Variants in XKR9 observed in about 807,000 individuals in gnomAD.
XKR9 encodes XK related 9, also known as XK-related protein 9.
A neutral mutation model predicts 32.0 loss-of-function variants in XKR9; 32 were observed. The observed-to-expected ratio is 1.00, with a 90% CI of 0.76 to 1.34. The LOEUF (loss-of-function observed/expected upper bound fraction) is 1.34. XKR9 is among the 40% of genes most tolerant of loss of function. The probability of loss-of-function intolerance (pLI) is 0.00; values close to 1 mark genes in which losing one functional copy is unlikely to be tolerated. For synonymous variants in XKR9, 168 were observed against 143.4 expected (o/e 1.17, Z -1.22); for missense variants, 546 against 429.7 (o/e 1.27, Z -2.39).
chr8:70,892,804 G>T, the XKR9 span, among the ~76,000 whole-genome samples: 464 of 152,228 alleles, frequency 3.0e-3, 3 homozygotes, highest in African/African-American at 0.011. Context: ...TGACTATAAT[G>T]TAATTCAAGG....
At chr8:71,001,136 C>G in the XKR9 span, among the ~76,000 whole-genome samples, 1 of 152,108 alleles carries the variant, frequency 6.6e-6, no homozygotes, top group African/African-American at 2.4e-5. Flanking sequence ...AAGAAGGTAA[C>G]AGTTTGTGGA....
chr8:70,709,516 C>T (rs576525739), intron 4 of XKR9, among the ~76,000 whole-genome samples: 35 of 152,296 alleles, frequency 2.3e-4, no homozygotes, highest in African/African-American at 8.2e-4. Flanking sequence ...AAAACTATCC[C>T]TGTTTGCAAA....
chr8:70,859,026 G>A, the XKR9 span, among the ~76,000 whole-genome samples: 1 of 152,036 alleles, frequency 6.6e-6, no homozygotes, highest in African/African-American at 2.4e-5. Flanking sequence ...AAGCTAAGAA[G>A]TTTCTGCACA....
In XKR9 at chr8:70,748,570, G is replaced by T. The variant is rs576678273; in HGVS notation, n.353-40769G>T. Among the ~76,000 whole-genome samples, 402 of 152,360 alleles carry T rather than the reference G, an allele frequency of 2.6e-3. 2 individuals carry two copies. The highest frequency in any genetic ancestry group is 0.014 in the South Asian group (70 of 4,834). ...GGAGGGAGGCTGGTGGGGGCTGAGG[G>T]TGGCTCTGTGCAGGTCTGCAGGTGC... is the stretch of plus-strand genomic sequence containing the variant. On this transcript the variant is annotated intron_variant and non_coding_transcript_variant, in intron 2 of 3. Coordinates refer to the XKR9 transcript ENST00000520273.
the XKR9 span, among the ~76,000 whole-genome samples, chr8:70,813,052 G>A: frequency 8.5e-5 from 13 of 152,146 alleles, no homozygotes; most frequent in South Asian, 2.7e-3. Context: ...ATACTACAAG[G>A]CTACAGTAAC....
At chr8:70,911,018 C>T in the XKR9 span, among the ~76,000 whole-genome samples, 1 of 152,206 alleles carries the variant, frequency 6.6e-6, no homozygotes, top group African/African-American at 2.4e-5. Context: ...CTGTCTGCTT[C>T]TTTTGCTTTT....
chr8:70,850,463 C>CA, the XKR9 span, among the ~76,000 whole-genome samples: 6,368 of 73,644 alleles, frequency 0.086, 558 homozygotes, highest in East Asian at 0.31. Context: ...GACTCCTTCT[C>CA]AAAAAAAAAA....
the XKR9 span, among the ~76,000 whole-genome samples, chr8:71,014,689 AT>A: frequency 3.3e-5 from 5 of 152,284 alleles, no homozygotes; most frequent in African/African-American, 1.2e-4. Context: ...AAGTGGACAT[AT>A]CTTTTTGGGG....
chr8:70,723,734 G>C (rs909115850), intron 4 of XKR9, among the ~76,000 whole-genome samples: 2 of 152,084 alleles, frequency 1.3e-5, no homozygotes, highest in Non-Finnish European at 2.9e-5. Context: ...GAGCTCTACT[G>C]TATGAGGTGT....
chr8:70,976,131 G>A, the XKR9 span, among the ~76,000 whole-genome samples: 3 of 152,164 alleles, frequency 2.0e-5, no homozygotes, highest in Non-Finnish European at 4.4e-5. Context: ...ATCAGCTTAA[G>A]GAGATTTTGG....
At chr8:70,877,856 G>A in the XKR9 span, among the ~76,000 whole-genome samples, 1 of 152,072 alleles carries the variant, frequency 6.6e-6, no homozygotes, top group Non-Finnish European at 1.5e-5. Flanking sequence ...AGACATAATT[G>A]TCAGTTTCAC....
the XKR9 span, among the ~76,000 whole-genome samples, chr8:71,045,763 CTG>C: frequency 2.0e-5 from 3 of 152,194 alleles, no homozygotes; most frequent in African/African-American, 4.8e-5. Context: ...ACGCTTGAGA[CTG>C]TGACAATTTT....
At chr8:71,058,178 C>CA in the XKR9 span, among the ~76,000 whole-genome samples, 10,663 of 149,232 alleles carry the variant, frequency 0.071, 481 homozygotes, top group Non-Finnish European at 0.093. Flanking sequence ...GACTCCGTCT[C>CA]AAAAAAAAAA....
At chr8:71,000,968 A>G in the XKR9 span, among the ~76,000 whole-genome samples, 181 of 152,298 alleles carry the variant, frequency 1.2e-3, 1 homozygote, top group African/African-American at 4.2e-3. Flanking sequence ...GAGTCTGAAG[A>G]TCTCAGCTCT....
At chr8:70,795,682 G>C in the XKR9 span, among the ~76,000 whole-genome samples, 1 of 151,976 alleles carries the variant, frequency 6.6e-6, no homozygotes, top group South Asian at 2.1e-4. Context: ...ATTCTGACTG[G>C]TGTGAAGTGC....
chr8:70,808,616 A>T, the XKR9 span, among the ~76,000 whole-genome samples: 3 of 152,196 alleles, frequency 2.0e-5, no homozygotes, highest in African/African-American at 7.2e-5. Flanking sequence ...TGCTTTTCCA[A>T]CAGTCTTAGC....
the XKR9 span, among the ~76,000 whole-genome samples, chr8:70,962,945 C>T: frequency 2.6e-5 from 4 of 152,084 alleles, no homozygotes; most frequent in Non-Finnish European, 4.4e-5. Context: ...GCCAGGACTT[C>T]AGAGTACAAT....
the XKR9 span, among the ~76,000 whole-genome samples, chr8:71,042,720 C>T: frequency 1.3e-5 from 2 of 152,098 alleles, no homozygotes; most frequent in African/African-American, 2.4e-5. Context: ...AACACATTCA[C>T]CTTTATGTGG....
chr8:70,789,841 TTA>T (rs1237817555), intron 3 of XKR9, among the ~76,000 whole-genome samples: 1 of 152,044 alleles, frequency 6.6e-6, no homozygotes, highest in Non-Finnish European at 1.5e-5. Context: ...AACATTCTAA[TTA>T]TAGTCCAGCA....
Sources: gnomAD v4.1 joint callset for allele counts (sites outside exome capture counted in the v4.1 genomes callset) on GRCh38, gnomAD v4.1.1 for gene constraint, MANE v1.5 for transcripts, NCBI Gene and HGNC (gene_info 2026-07-23, HGNC 2026-07-21) for gene names.